Variants in ARHGAP32 observed in about 807,000 individuals in gnomAD.
ARHGAP32 encodes the protein Rho GTPase activating protein 32.
ARHGAP32 carries 51 observed loss-of-function variants against 186.5 expected under a neutral mutation model. That is an observed-to-expected ratio of 0.27 (90% CI 0.22 to 0.35). The LOEUF is 0.35. ARHGAP32 is among the 10% of genes least tolerant of loss of function. The pLI is 1.00. For missense variants in ARHGAP32, 2,186 were observed against 2,623.5 expected (o/e 0.83, Z 3.64); for synonymous variants, 950 against 964.3 (o/e 0.99, Z 0.27).
intron 2 of ARHGAP32, among the ~76,000 whole-genome samples, chr11:129,137,419 G>C (rs916430575): frequency 7.9e-5 from 12 of 151,664 alleles, no homozygotes; most frequent in Non-Finnish European, 1.2e-4. Context: ...CAATCCCTAA[G>C]ATCAAAAAAC....
In ARHGAP32 at chr11:129,164,303, T is replaced by C; in HGVS notation, c.225+16A>G. 7.0e-7 allele frequency: 1 copy of C among 1,422,388 alleles called. No homozygotes were observed. The highest frequency in any genetic ancestry group is 9.7e-7 in the Non-Finnish European group (1 of 1,035,484). 88.1% of individuals were successfully genotyped at this position (1,422,388 alleles called of 1,614,324 possible). The stretch of plus-strand genomic sequence containing the variant: ...ATATATATGTATATATGAACAATTG[T>C]ATAAAACTGATTTACCATTGCGCTA... On this transcript the variant is annotated intron_variant, in intron 2 of 22. Transcript: ENST00000682385.
chr11:129,036,033 G>A (rs1361714489), intron 11 of ARHGAP32, among the ~76,000 whole-genome samples: 1 of 151,982 alleles, frequency 6.6e-6, no homozygotes, highest in African/African-American at 2.4e-5. Context: ...CTTTCCCAAT[G>A]CTAAATGGTT....
Position 129,047,968 on chromosome 11 carries a change from C to A in ARHGAP32, c.964-6959G>T, listed in dbSNP as rs185986493. Reference sequence around the variant, plus strand: ...TGCTACACACCAAAGGAAGCAAAAACCAGAAATAAGTTCCTCAGGTCCTTA... The same window carrying A: ...TGCTACACACCAAAGGAAGCAAAAAACAGAAATAAGTTCCTCAGGTCCTTA... On this transcript the variant is annotated intron_variant, in intron 10 of 22. Coordinates refer to ENST00000682385, the MANE Select transcript of ARHGAP32 (RefSeq NM_001378024.1). Among the ~76,000 whole-genome samples the A allele has an allele frequency of 3.8e-4, 58 of 152,254 alleles. No individual in the cohort carries two copies. In the East Asian group the frequency reaches 9.5e-3, roughly 25 times the overall value.
At chr11:129,274,624 A>C (rs1945509611) in intron 1 of ARHGAP32, among the ~76,000 whole-genome samples, 1 of 152,214 alleles carries the variant, frequency 6.6e-6, no homozygotes, top group South Asian at 2.1e-4. Context: ...GTTTGAGATT[A>C]ATGTTAATAA....
rs545926370 is a variant in ARHGAP32 at position 129,092,104 on chromosome 11, C to T, written c.531+1517G>A. Among the ~76,000 whole-genome samples the T allele has an allele frequency of 7.9e-5, 12 of 151,988 alleles. No homozygotes were observed. The East Asian group carries it at 1.7e-3, about 22-fold the overall frequency. ...TTGACAAGATACTTATACCAGGAAA[C>T]GAACTATCTATCTAGGTCACTAATA... On this transcript the variant is annotated intron_variant, in intron 6 of 22. Transcript: ENST00000682385.
chr11:129,020,953 A>G (rs1227594801), intron 11 of ARHGAP32, among the ~76,000 whole-genome samples: 1 of 152,098 alleles, frequency 6.6e-6, no homozygotes, highest in Non-Finnish European at 1.5e-5. Context: ...GGGCTGTCTC[A>G]GAAAAGCTAT....
chr11:129,133,188 T>C (rs944732554), intron 2 of ARHGAP32, among the ~76,000 whole-genome samples: 1 of 152,096 alleles, frequency 6.6e-6, no homozygotes, highest in Non-Finnish European at 1.5e-5. Context: ...GTGAACCTGA[T>C]AACAGACAAA....
chr11:128,972,679 G>C lies in ARHGAP32; in HGVS notation c.3827C>G (p.Thr1276Ser). 7 of 1,614,114 alleles carry C rather than the reference G, an allele frequency of 4.3e-6. No individual in the cohort carries two copies. Among genetic ancestry groups the C allele is most frequent in the Non-Finnish European group, 5.9e-6 (7 of 1,180,016 alleles). ...PEENTSTATMTYMTTTPATAQ... is the reference protein window; with the variant it reads ...PEENTSTATMSYMTTTPATAQ... ...TGTTGCTGGAGTAGTTGTCATGTAA[G>C]TCATGGTGGCTGTGCTGGTATTCTC... The change falls in exon 22 of 23, where the codon ACT becomes AGT. Residue 1276 changes from threonine to serine, a missense_variant. Physicochemically the swap from Thr to Ser is moderately conservative, Grantham distance 58. This residue lies in a region of ARHGAP32 where 1,502 missense variants were observed against 1,570.0 expected (regional missense o/e 0.96). Transcript: ENST00000682385.
intron 5 of ARHGAP32, among the ~76,000 whole-genome samples, chr11:129,105,145 C>A (rs112567599): frequency 1.5e-3 from 235 of 152,240 alleles, no homozygotes; most frequent in African/African-American, 5.3e-3. Flanking sequence ...AAAAACTCTA[C>A]AACTATCTGG....
intron 15 of ARHGAP32, among the ~76,000 whole-genome samples, chr11:128,983,616 A>G (rs959320737): frequency 2.0e-5 from 3 of 152,070 alleles, no homozygotes; most frequent in African/African-American, 7.2e-5. Context: ...CATATTGTGC[A>G]CATGTACCCT....
At chr11:129,025,874 ATATATGT>A (rs1014396983) in intron 11 of ARHGAP32, among the ~76,000 whole-genome samples, 5 of 148,734 alleles carry the variant, frequency 3.4e-5, no homozygotes, top group African/African-American at 1.2e-4. Context: ...TATTTAAGTA[ATATATGT>A]TATATTACTT....
At chr11:128,998,546 C>T in intron 11 of ARHGAP32, 78 bp from the exon 12 acceptor site, 1 of 1,129,144 alleles carries the variant, frequency 8.9e-7, no homozygotes. Context: ...AAACATATCT[C>T]AAGAGGCTGA....
chr11:129,136,959 T>C (rs1420645902), intron 2 of ARHGAP32, among the ~76,000 whole-genome samples: 1 of 152,014 alleles, frequency 6.6e-6, no homozygotes, highest in African/African-American at 2.4e-5. Context: ...TCCATAAGTA[T>C]AAGGTTATTC....
intron 1 of ARHGAP32, among the ~76,000 whole-genome samples, chr11:129,168,936 T>C (rs1379664827): frequency 6.6e-6 from 1 of 151,932 alleles, no homozygotes; most frequent in Non-Finnish European, 1.5e-5. Flanking sequence ...AAAATCACAA[T>C]GGAAATTAGA....
At chr11:128,982,321 C>A (rs1235602715) in intron 15 of ARHGAP32, among the ~76,000 whole-genome samples, 1 of 152,056 alleles carries the variant, frequency 6.6e-6, no homozygotes, top group Non-Finnish European at 1.5e-5. Flanking sequence ...AAATAAAGAG[C>A]CTAATTCAAA....
At chr11:129,065,656 C>T (rs1414044270) in intron 7 of ARHGAP32, among the ~76,000 whole-genome samples, 3 of 152,152 alleles carry the variant, frequency 2.0e-5, no homozygotes, top group Non-Finnish European at 4.4e-5. Flanking sequence ...GACCCTGCTG[C>T]AGTGTCCGTT....
At chr11:128,981,242 AC>A (rs1945698009) in intron 17 of ARHGAP32, among the ~76,000 whole-genome samples, 173 bp downstream of exon 17, 1 of 152,256 alleles carries the variant, frequency 6.6e-6, no homozygotes, top group South Asian at 2.1e-4. Context: ...TGTAGTATTC[AC>A]TATATACACA....
intron 1 of ARHGAP32, among the ~76,000 whole-genome samples, chr11:129,167,495 A>C (rs1234706584): frequency 2.0e-5 from 3 of 152,234 alleles, no homozygotes. Flanking sequence ...ATAAATAAGC[A>C]AAATGCACTA....
chr11:129,016,778 G>T (rs553124112), intron 11 of ARHGAP32, among the ~76,000 whole-genome samples: 2 of 152,156 alleles, frequency 1.3e-5, no homozygotes, highest in Non-Finnish European at 2.9e-5. Flanking sequence ...CATTGAAGCT[G>T]CACTGAATTA....
Sources: allele counts gnomAD v4.1 joint callset (sites outside exome capture counted in the v4.1 genomes callset), GRCh38; gene constraint gnomAD v4.1.1; regional missense constraint gnomAD v4.1.1; transcripts MANE v1.5; gene names NCBI Gene and HGNC (gene_info 2026-07-23, HGNC 2026-07-21).